Variants in OLFM3 observed in about 807,000 individuals in gnomAD.
The protein encoded by OLFM3 is olfactomedin 3.
Under a neutral mutation model 48.6 loss-of-function variants are expected in OLFM3, and 20 were observed. That is an observed-to-expected ratio of 0.41 (90% CI 0.29 to 0.60). The LOEUF (loss-of-function observed/expected upper bound fraction) is 0.60. OLFM3 is among the 20% of genes least tolerant of loss of function. The pLI is 0.28. For missense variants in OLFM3, 437 were observed against 544.3 expected (o/e 0.80, Z 1.96); for synonymous variants, 222 against 198.1 (o/e 1.12, Z -1.01).
intron 1 of OLFM3, among the ~76,000 whole-genome samples, chr1:101,856,993 A>C (rs1166586293): frequency 2.6e-5 from 4 of 152,018 alleles, no homozygotes; most frequent in Admixed American, 6.6e-5. Context: ...TTATAAATTC[A>C]GATCTAAATT....
chr1:101,967,952 A>G (rs1413587150), intron 1 of OLFM3, among the ~76,000 whole-genome samples: 1 of 152,036 alleles, frequency 6.6e-6, no homozygotes, highest in Non-Finnish European at 1.5e-5. Context: ...GTTGCCTGTT[A>G]TTTTTGGATC....
intron 1 of OLFM3, among the ~76,000 whole-genome samples, chr1:101,888,614 C>A (rs1657866119): frequency 6.6e-6 from 1 of 151,994 alleles, no homozygotes; most frequent in Non-Finnish European, 1.5e-5. Context: ...ACTAAAACAC[C>A]AAAAGCAATG....
At chr1:101,981,131 C>T (rs1275031659) in intron 1 of OLFM3, among the ~76,000 whole-genome samples, 1 of 152,184 alleles carries the variant, frequency 6.6e-6, no homozygotes, top group Non-Finnish European at 1.5e-5. Flanking sequence ...AGCTGTCCTC[C>T]TTGCTGCTAA....
Position 101,804,403 on chromosome 1 carries a change from G to C in OLFM3, c.1212C>G (p.Thr404=). 6.2e-7 allele frequency: 1 copy of C among 1,612,534 alleles called. No homozygotes were observed. The change falls in exon 6 of 6, where the codon ACC becomes ACG. Residue 404 remains threonine (T), a synonymous_variant. Coordinates refer to ENST00000370103, the MANE Select transcript of OLFM3 (RefSeq NM_058170.4). This position sits in a 1 kb window ranked among gnomAD's most constrained non-coding sequence, Gnocchi z 4.5. ...AKVYYSYSTK[T]STYEYTDIPF... Reference sequence around the variant, plus strand: ...GAATGTCTGTGTACTCATATGTGGAGGTTTTGGTGGAATAGGAATAATACA... The same window carrying C: ...GAATGTCTGTGTACTCATATGTGGACGTTTTGGTGGAATAGGAATAATACA...
chr1:101,805,777 T>C (rs1429696963), intron 5 of OLFM3, among the ~76,000 whole-genome samples: 1 of 151,762 alleles, frequency 6.6e-6, no homozygotes, highest in Non-Finnish European at 1.5e-5. Context: ...TATGTTTTCA[T>C]ACTAAACATA....
intron 1 of OLFM3, among the ~76,000 whole-genome samples, chr1:101,904,204 A>T (rs543510098): frequency 9.9e-5 from 15 of 152,236 alleles, no homozygotes; most frequent in South Asian, 2.1e-4. Flanking sequence ...ACTGTTTAAG[A>T]TCATCAAAAA....
chr1:101,956,348 C>A (rs1570664750), intron 1 of OLFM3, among the ~76,000 whole-genome samples: 1 of 151,728 alleles, frequency 6.6e-6, no homozygotes, highest in Non-Finnish European at 1.5e-5. Context: ...ATTATTCATT[C>A]CCACCCGTCA....
chr1:101,884,515 G>A (rs1657666987), intron 1 of OLFM3, among the ~76,000 whole-genome samples: 1 of 151,590 alleles, frequency 6.6e-6, no homozygotes, highest in South Asian at 2.1e-4. Flanking sequence ...AAAAAAAACA[G>A]ACAAAAAATG....
chr1:101,890,579 T>C lies in OLFM3; in HGVS notation c.70-53554A>G, dbSNP rs1570602962. 2.6e-5 allele frequency among the ~76,000 whole-genome samples: 4 copies of C among 152,056 alleles called. No homozygotes were observed. In the East Asian group the frequency reaches 7.7e-4, roughly 29 times the overall value. ...CACAATGAGTCAGGAATTTTGTGAA[T>C]TCTTTAAAAAGGGATTAGTTGATTA... On this transcript the variant is annotated intron_variant, in intron 1 of 5. Transcript: ENST00000370103.
intron 1 of OLFM3, among the ~76,000 whole-genome samples, chr1:101,852,294 C>T (rs577988410): frequency 3.0e-4 from 46 of 152,198 alleles, no homozygotes; most frequent in African/African-American, 1.1e-3. Flanking sequence ...CACTTCTCCA[C>T]TCTGCTGACA....
chr1:101,817,942 G>T (rs908981922), intron 4 of OLFM3, among the ~76,000 whole-genome samples: 2 of 152,154 alleles, frequency 1.3e-5, no homozygotes, highest in South Asian at 2.1e-4. Context: ...TAAAGGTAGG[G>T]ATAAGAATGG....
chr1:101,839,216 A>C (rs766149859), intron 1 of OLFM3, among the ~76,000 whole-genome samples: 7 of 152,230 alleles, frequency 4.6e-5, no homozygotes, highest in Non-Finnish European at 8.8e-5. Context: ...CAGACTCGTT[A>C]ACATTCTCCC....
At chr1:101,874,438 C>G (rs1426622349) in intron 1 of OLFM3, among the ~76,000 whole-genome samples, 1 of 151,526 alleles carries the variant, frequency 6.6e-6, no homozygotes, top group Non-Finnish European at 1.5e-5. Flanking sequence ...TCAGCTGTTG[C>G]TATGGTCAAT....
chr1:101,894,807 T>C (rs1196848318), intron 1 of OLFM3, among the ~76,000 whole-genome samples: 2 of 152,154 alleles, frequency 1.3e-5, no homozygotes, highest in Non-Finnish European at 2.9e-5. Context: ...ACTTTAAGCA[T>C]CTTTACACAA....
intron 1 of OLFM3, among the ~76,000 whole-genome samples, chr1:101,967,881 G>C (rs112115620): frequency 0.016 from 2,403 of 151,972 alleles, 56 homozygotes; most frequent in African/African-American, 0.054. Context: ...GTATTCTTCC[G>C]CCCCCAGCAC....
At chr1:101,956,686 A>G (rs1384192279) in intron 1 of OLFM3, among the ~76,000 whole-genome samples, 1 of 151,864 alleles carries the variant, frequency 6.6e-6, no homozygotes, top group South Asian at 2.1e-4. Context: ...TATAATGTCA[A>G]TGGAAAGCTT....
rs531806912 is a variant in OLFM3 at position 101,824,089 on chromosome 1, C to T, written c.592+937G>A. 4.6e-5 allele frequency among the ~76,000 whole-genome samples: 7 copies of T among 152,040 alleles called. No individual in the cohort carries two copies. In the East Asian group the frequency reaches 1.2e-3, roughly 25 times the overall value. On this transcript the variant is annotated intron_variant, in intron 4 of 5. Transcript: ENST00000370103. ...CATTTATTCACTGAAGTTTTCTTTA[C>T]TAGAAATTAATCTTTTGTGTGTGTG...
chr1:101,864,948 C>T (rs1271662106), intron 1 of OLFM3, among the ~76,000 whole-genome samples: 1 of 152,204 alleles, frequency 6.6e-6, no homozygotes, highest in Admixed American at 6.5e-5. Flanking sequence ...AGGATTCTCC[C>T]ATTTCTGCCC....
chr1:101,909,901 G>A (rs936562187), intron 1 of OLFM3: 26 of 908,172 alleles, frequency 2.9e-5, no homozygotes, highest in Non-Finnish European at 3.3e-5. Flanking sequence ...GAGCTAAAAC[G>A]CTATCTTTCA....
Sources: allele counts gnomAD v4.1 joint callset (sites outside exome capture counted in the v4.1 genomes callset), GRCh38; gene constraint gnomAD v4.1.1; non-coding constraint Gnocchi (gnomAD v3.1); transcripts MANE v1.5; gene names NCBI Gene and HGNC (gene_info 2026-07-23, HGNC 2026-07-21).